PTPRD: variants seen among roughly 807,000 people sequenced by gnomAD.
PTPRD encodes the protein receptor-type tyrosine-protein phosphatase delta.
In PTPRD, 34 loss-of-function variants were observed where a neutral mutation model predicts 214.5. The ratio of observed to expected loss-of-function variants is 0.16; its 90% confidence interval spans 0.12 to 0.21. PTPRD has a LOEUF of 0.21. PTPRD is among the 10% of genes least tolerant of loss of function. The probability of loss-of-function intolerance (pLI) is 1.00; values close to 1 mark genes in which losing one functional copy is unlikely to be tolerated. For synonymous variants in PTPRD, 1,128 were observed against 845.7 expected (o/e 1.33, Z -5.79); for missense variants, 2,545 against 2,398.7 (o/e 1.06, Z -1.27).
At chr9:10,530,406 C>G (rs986803693) in intron 2 of PTPRD, among the ~76,000 whole-genome samples, 1 of 152,144 alleles carries the variant, frequency 6.6e-6, no homozygotes. Flanking sequence ...AAATGGAGTA[C>G]ATCTTTTTTA....
intron 20 of PTPRD, 56 bp downstream of exon 20, chr9:8,521,221 T>A (rs2138838709): frequency 3.9e-6 from 6 of 1,546,382 alleles, no homozygotes; most frequent in Non-Finnish European, 5.2e-6. Context: ...TCTAGAGGCA[T>A]TAGTCACTTG....
At chr9:9,269,499 C>T (rs957979838) in intron 9 of PTPRD, among the ~76,000 whole-genome samples, 2 of 151,396 alleles carry the variant, frequency 1.3e-5, no homozygotes, top group Non-Finnish European at 3.0e-5. Context: ...AATCCCACTT[C>T]TGGGCACATC....
intron 4 of PTPRD, among the ~76,000 whole-genome samples, chr9:9,942,638 A>T (rs541981831): frequency 6.6e-6 from 1 of 151,868 alleles, no homozygotes; most frequent in African/African-American, 2.4e-5. Context: ...GGGTGGGCCG[A>T]CTTCTACAAT....
intron 9 of PTPRD, among the ~76,000 whole-genome samples, chr9:9,305,754 C>A (rs959846849): frequency 6.6e-6 from 1 of 151,946 alleles, no homozygotes; most frequent in East Asian, 1.9e-4. Context: ...TGTAGAGACA[C>A]AAAAAAGACA....
At chr9:10,504,437 G>A (rs1164056797) in intron 2 of PTPRD, among the ~76,000 whole-genome samples, 1 of 152,130 alleles carries the variant, frequency 6.6e-6, no homozygotes, top group African/African-American at 2.4e-5. Context: ...GCAAATGAAA[G>A]TAATTTTGAT....
chr9:10,323,958 T>C (rs1023661175), intron 3 of PTPRD, among the ~76,000 whole-genome samples: 2 of 152,050 alleles, frequency 1.3e-5, no homozygotes, highest in Non-Finnish European at 2.9e-5. Flanking sequence ...AATTAACTTG[T>C]GAGAATTTTT....
intron 3 of PTPRD, among the ~76,000 whole-genome samples, chr9:10,254,966 C>A (rs1373969988): frequency 6.6e-6 from 1 of 152,138 alleles, no homozygotes; most frequent in East Asian, 1.9e-4. Context: ...TTCTTATGTG[C>A]TGTATAAAAT....
intron 2 of PTPRD, among the ~76,000 whole-genome samples, chr9:10,507,541 T>C (rs139046852): frequency 0.099 from 15,005 of 152,106 alleles, 997 homozygotes; most frequent in African/African-American, 0.18. Context: ...CTACCTGACT[T>C]CAAACTATAC....
intron 3 of PTPRD, among the ~76,000 whole-genome samples, chr9:10,277,766 C>T (rs910883441): frequency 2.6e-5 from 4 of 152,140 alleles, no homozygotes; most frequent in Admixed American, 2.0e-4. Context: ...GAATCACCTA[C>T]ATAGTGGAGT....
intron 2 of PTPRD, among the ~76,000 whole-genome samples, chr9:10,359,241 C>T (rs2097333034): frequency 6.6e-6 from 1 of 151,904 alleles, no homozygotes; most frequent in Non-Finnish European, 1.5e-5. Flanking sequence ...TGTGGGTGAA[C>T]ATGGTGTATG....
intron 4 of PTPRD, among the ~76,000 whole-genome samples, chr9:9,953,684 C>T (rs2093652776): frequency 6.6e-6 from 1 of 152,072 alleles, no homozygotes; most frequent in Non-Finnish European, 1.5e-5. Flanking sequence ...TCACTGAGAT[C>T]CCCTCAGTCC....
chr9:8,463,253 C>T (rs190090681), intron 32 of PTPRD, among the ~76,000 whole-genome samples: 79 of 133,126 alleles, frequency 5.9e-4, no homozygotes, highest in Non-Finnish European at 2.3e-4. Flanking sequence ...GATTTTCTAA[C>T]GCATTACAAG....
At chr9:8,729,443 C>G (rs2098630522) in intron 12 of PTPRD, among the ~76,000 whole-genome samples, 1 of 109,544 alleles carries the variant, frequency 9.1e-6, no homozygotes, top group Non-Finnish European at 2.0e-5. Context: ...ACCTCTAGGT[C>G]AAATTAAAAA....
intron 11 of PTPRD, among the ~76,000 whole-genome samples, chr9:8,818,681 A>G (rs1285993207): frequency 6.6e-6 from 1 of 152,232 alleles, no homozygotes; most frequent in Admixed American, 6.5e-5. Context: ...GAACAGACCA[A>G]ATACTTAGAT....
At chr9:10,206,825 G>C (rs2099485098) in intron 3 of PTPRD, among the ~76,000 whole-genome samples, 1 of 152,044 alleles carries the variant, frequency 6.6e-6, no homozygotes, top group African/African-American at 2.4e-5. Context: ...TTTTGAAAAA[G>C]TAACAGGAAT....
intron 11 of PTPRD, among the ~76,000 whole-genome samples, chr9:8,856,064 A>T (rs191251342): frequency 6.6e-6 from 1 of 152,236 alleles, no homozygotes; most frequent in Non-Finnish European, 1.5e-5. Flanking sequence ...GTCTGTTTCC[A>T]TAAGTCAGAC....
intron 10 of PTPRD, among the ~76,000 whole-genome samples, chr9:9,020,550 T>C (rs1438846529): frequency 6.6e-6 from 1 of 152,168 alleles, no homozygotes; most frequent in Non-Finnish European, 1.5e-5. Context: ...ATGGCCAGGT[T>C]TGTGGCTTGA....
chr9:10,090,261 GT>G (rs2098412923), intron 3 of PTPRD, among the ~76,000 whole-genome samples: 1 of 151,582 alleles, frequency 6.6e-6, no homozygotes, highest in Non-Finnish European at 1.5e-5. Context: ...ATGATTTAGT[GT>G]TTATTCATTC....
intron 9 of PTPRD, among the ~76,000 whole-genome samples, chr9:9,301,990 T>C (rs188813165): frequency 2.0e-5 from 3 of 152,074 alleles, no homozygotes; most frequent in Admixed American, 2.0e-4. Context: ...GTCAAGTTAC[T>C]GATCAGCCTG....
Sources: gnomAD v4.1 joint callset for allele counts (sites outside exome capture counted in the v4.1 genomes callset) on GRCh38, gnomAD v4.1.1 for gene constraint, MANE v1.5 for transcripts, NCBI Gene and HGNC (gene_info 2026-07-23, HGNC 2026-07-21) for gene names.